The following ITSN2 variants were observed in gnomAD, a reference collection of about 807,000 sequenced individuals.
The protein encoded by ITSN2 is intersectin-2.
ITSN2 carries 156 observed loss-of-function variants against 243.7 expected under a neutral mutation model. The observed-to-expected ratio is 0.64, with a 90% CI of 0.56 to 0.73. The LOEUF (loss-of-function observed/expected upper bound fraction) is 0.73. Ranked by LOEUF, ITSN2 falls within the 30% of genes least tolerant of loss-of-function variation. ITSN2 has a pLI of 0.00. For synonymous variants in ITSN2, 703 were observed against 699.9 expected, an observed-to-expected ratio of 1.00 and a Z score of -0.07; for missense variants, 1,801 against 1,996.1, an observed-to-expected ratio of 0.90 and a Z score of 1.86.
Position 24,203,921 on chromosome 2 carries a change from C to A in ITSN2, c.4937-138G>T, listed in dbSNP as rs545079671. 7.0e-6 allele frequency: 6 copies of A among 855,674 alleles called. No individual in the cohort carries two copies. The South Asian group carries it at 1.1e-4, about 15-fold the overall frequency. The allele number at this position is 855,674 out of a possible 1,614,324, so 53.0% of individuals were successfully genotyped here. A position where few individuals can be genotyped will look rare whatever the true frequency, so the allele number is the denominator to read the frequency against. On this transcript the variant is annotated intron_variant, in intron 39 of 39. Transcript: ENST00000355123. ...CTTTTGGCTCATGGCTGTTGAATGT[C>A]GTGAGTGGGTGTGTGGGGAATGATG...
rs188953693 is a variant in ITSN2, at chr2:24,207,564, G to A, written c.4678+673C>T. On this transcript the variant is annotated intron_variant, in intron 37 of 39. Coordinates refer to ENST00000355123, the MANE Select transcript of ITSN2 (RefSeq NM_006277.3). ...GGTCCCCGAGGGAGAGCGCTACAGAGGTCGGGGAGAGGCCTGGGCAAGGGT... is the reference window on the plus strand; with the variant it reads ...GGTCCCCGAGGGAGAGCGCTACAGAAGTCGGGGAGAGGCCTGGGCAAGGGT... 3.3e-5 allele frequency among the ~76,000 whole-genome samples: 5 copies of A among 152,162 alleles called. No homozygotes were observed. In the East Asian group the frequency reaches 9.7e-4, roughly 30 times the overall value.
At position 24,318,259 on chromosome 2, in the gene ITSN2, C is replaced by A. The variant is rs1372013328; in HGVS notation, c.32-3035G>T. Among the ~76,000 whole-genome samples, 3 of 152,176 alleles carry A rather than the reference C, an allele frequency of 2.0e-5. No individual in the cohort carries two copies. The East Asian group carries it at 5.8e-4, about 29-fold the overall frequency. On this transcript the variant is annotated intron_variant, in intron 2 of 39. Transcript: ENST00000355123. ...ATCCCAGGCTCAAGTGATTCTCCCA[C>A]CTCAGCCGCCTGAGTAGCTGGGACT...
At chr2:24,293,957 C>T (rs1680614436) in intron 14 of ITSN2, among the ~76,000 whole-genome samples, 182 bp from the exon 15 acceptor site, 1 of 152,074 alleles carries the variant, frequency 6.6e-6, no homozygotes, top group African/African-American at 2.4e-5. Context: ...AATATTTAAG[C>T]CAAAATCAAT....
rs188893230 is a variant in ITSN2 at position 24,353,935 on chromosome 2, T to C, written c.-34+6369A>G. On this transcript the variant is annotated intron_variant, in intron 1 of 39. Transcript: ENST00000355123. ...CACTTAAAATCAAATTCATATGATA[T>C]GTGAATTAAATCTCAATAAAGCTAT... Among the ~76,000 whole-genome samples the C allele has an allele frequency of 1.6e-4, 24 of 152,328 alleles. 1 individual carries two copies. The highest frequency in any genetic ancestry group is 3.1e-4 in the Non-Finnish European group (21 of 68,032).
chr2:24,329,345 C>T (rs896317296), intron 1 of ITSN2, among the ~76,000 whole-genome samples: 2 of 152,134 alleles, frequency 1.3e-5, no homozygotes, highest in African/African-American at 2.4e-5. Flanking sequence ...ACTGCAACCT[C>T]ACCTCCCGGG....
At chr2:24,234,329 A>G (rs1671910654) in intron 29 of ITSN2, among the ~76,000 whole-genome samples, 1 of 152,072 alleles carries the variant, frequency 6.6e-6, no homozygotes, top group Non-Finnish European at 1.5e-5. Flanking sequence ...ACAGGTCTCT[A>G]CTGTTCGCAA....
At chr2:24,238,238 C>T (rs962934271) in intron 29 of ITSN2, among the ~76,000 whole-genome samples, 1 of 152,160 alleles carries the variant, frequency 6.6e-6, no homozygotes, top group Non-Finnish European at 1.5e-5. Flanking sequence ...TGGGCCTAAT[C>T]CCCTCAAAGA....
At chr2:24,259,545 A>G (rs978004406) in intron 22 of ITSN2, among the ~76,000 whole-genome samples, 5 of 152,198 alleles carry the variant, frequency 3.3e-5, no homozygotes, top group African/African-American at 4.8e-5. Context: ...TGCTTCCCAA[A>G]TAAACCTCAA....
Position 24,330,441 on chromosome 2 carries a change from A to G in ITSN2, c.-33-2326T>C, listed in dbSNP as rs557753978. 2.5e-4 allele frequency: 160 copies of G among 637,636 alleles called. 1 individual carries two copies. The African/African-American group carries it at 2.8e-3, about 11-fold the overall frequency. 39.5% of individuals were successfully genotyped at this position (637,636 alleles called of 1,614,324 possible). ...GGGTGAAGGGGATGCTAAAGGAGAT[A>G]AAGCCAAGGTGAAGAACGAACCACA... On this transcript the variant is annotated intron_variant, in intron 1 of 39. Transcript: ENST00000355123.
intron 2 of ITSN2, among the ~76,000 whole-genome samples, chr2:24,319,032 A>T (rs142630517): frequency 4.6e-5 from 7 of 152,314 alleles, no homozygotes; most frequent in South Asian, 2.1e-4. Context: ...TCTGCAGTGG[A>T]GCAGTTTCAT....
intron 23 of ITSN2, among the ~76,000 whole-genome samples, chr2:24,255,349 C>G (rs893040105): frequency 5.3e-5 from 8 of 152,206 alleles, no homozygotes; most frequent in African/African-American, 1.9e-4. Flanking sequence ...CAAAATTCGG[C>G]CAGGTGTGGT....
intron 1 of ITSN2, among the ~76,000 whole-genome samples, chr2:24,358,030 C>A (rs911742980): frequency 4.6e-5 from 7 of 152,204 alleles, no homozygotes; most frequent in African/African-American, 1.7e-4. Context: ...TCTCCTGCCT[C>A]AGCCTCCTGA....
At chr2:24,223,862 G>A (rs143637802) in intron 29 of ITSN2, among the ~76,000 whole-genome samples, 2 of 1,566 alleles carry the variant, frequency 1.3e-3, no homozygotes, top group Admixed American at 0.018. Flanking sequence ...AAGAAAGAAA[G>A]GAAAGAAAGA....
rs1456685649 is a variant in ITSN2 at position 24,211,558 on chromosome 2, C to T, written c.4090-611G>A. On this transcript the variant is annotated intron_variant, in intron 33 of 39. Coordinates refer to ENST00000355123, the MANE Select transcript of ITSN2 (RefSeq NM_006277.3). This position sits in a 1 kb window ranked among gnomAD's most constrained non-coding sequence, Gnocchi z 4.1. ...TGTGGTCCCTCCAGAAATTAGGAGC[C>T]ATCACCAGATGCCCCGTCTGGACTC... 6.6e-6 allele frequency among the ~76,000 whole-genome samples: 1 copy of T among 152,212 alleles called. No homozygotes were observed. Among genetic ancestry groups the T allele is most frequent in the African/African-American group, 2.4e-5 (1 of 41,456 alleles).
chr2:24,213,189 T>C (rs1467977963), intron 32 of ITSN2, among the ~76,000 whole-genome samples: 1 of 152,136 alleles, frequency 6.6e-6, no homozygotes, highest in Non-Finnish European at 1.5e-5. Context: ...CTGCTTCCCC[T>C]TGTCCAGGCT....
Position 24,301,044 on chromosome 2 carries a change from T to C in ITSN2, c.1081+110A>G, listed in dbSNP as rs528901339. 42 of 595,470 alleles carry C rather than the reference T, an allele frequency of 7.1e-5. 1 individual carries two copies. In the South Asian group the frequency reaches 1.1e-3, roughly 15 times the overall value. 36.9% of individuals were successfully genotyped at this position (595,470 alleles called of 1,614,324 possible). A position where few individuals can be genotyped will look rare whatever the true frequency, so the allele number is the denominator to read the frequency against. On this transcript the variant is annotated intron_variant, in intron 11 of 39. Transcript: ENST00000355123. ...CCATCTATCAAATAGTTTTTTCTCA[T>C]ATAGCACATCAAATATTAAAAATAT...
At chr2:24,289,854 T>G (rs1168634987) in intron 15 of ITSN2, among the ~76,000 whole-genome samples, 1 of 152,228 alleles carries the variant, frequency 6.6e-6, no homozygotes, top group Non-Finnish European at 1.5e-5. Context: ...AAGACAACTC[T>G]TCTTCCAATG....
At chr2:24,318,516 C>G (rs1164254246) in intron 2 of ITSN2, among the ~76,000 whole-genome samples, 1 of 152,190 alleles carries the variant, frequency 6.6e-6, no homozygotes, top group East Asian at 1.9e-4. Flanking sequence ...CTATTTCCAT[C>G]ACCTCCTCCT....
At chr2:24,294,503 A>G (rs1387011310) in intron 14 of ITSN2, among the ~76,000 whole-genome samples, 2 of 152,218 alleles carry the variant, frequency 1.3e-5, no homozygotes, top group Non-Finnish European at 2.9e-5. Flanking sequence ...TCCTGTAACA[A>G]AGCAAAAAGA....
Sources: allele counts gnomAD v4.1 joint callset (sites outside exome capture counted in the v4.1 genomes callset), GRCh38; gene constraint gnomAD v4.1.1; non-coding constraint Gnocchi (gnomAD v3.1); transcripts MANE v1.5; gene names NCBI Gene and HGNC (gene_info 2026-07-23, HGNC 2026-07-21).